SNTG1: variants seen among roughly 807,000 people sequenced by gnomAD.
The protein encoded by SNTG1 is gamma-1-syntrophin.
In SNTG1, 39 loss-of-function variants were observed where a neutral mutation model predicts 74.7. The ratio of observed to expected loss-of-function variants is 0.52; its 90% confidence interval spans 0.40 to 0.68. SNTG1 has a LOEUF of 0.68. SNTG1 is among the 30% of genes least tolerant of loss of function. The pLI, the probability that SNTG1 is intolerant of heterozygous loss-of-function variation, is 0.00. For synonymous variants in SNTG1, 254 were observed against 217.1 expected (o/e 1.17, Z -1.49); for missense variants, 685 against 609.5 (o/e 1.12, Z -1.30).
Position 50,281,495 on chromosome 8 carries a change from T to A in SNTG1, c.-28+108860T>A, listed in dbSNP as rs566966747. ...TGAAGTTTTTATCAATCTCTTCACC[T>A]TCAGCTTGCAGGGCTTCAGGAAAAA... On this transcript the variant is annotated intron_variant, in intron 2 of 18. Transcript: ENST00000642720. Among the ~76,000 whole-genome samples the A allele has an allele frequency of 4.6e-5, 7 of 152,332 alleles. No homozygotes were observed. In the South Asian group the frequency reaches 1.4e-3, roughly 32 times the overall value.
chr8:50,237,641 A>G (rs2085973933), intron 2 of SNTG1, among the ~76,000 whole-genome samples: 1 of 152,108 alleles, frequency 6.6e-6, no homozygotes, highest in Admixed American at 6.6e-5. Context: ...GCAAAAGGGG[A>G]TTTTATTTTA....
chr8:50,001,889 C>T (rs1302742074), intron 1 of SNTG1, among the ~76,000 whole-genome samples: 6 of 152,084 alleles, frequency 3.9e-5, no homozygotes, highest in Non-Finnish European at 7.4e-5. Context: ...AGACAGGGAA[C>T]TGAGCTATGT....
intron 2 of SNTG1, among the ~76,000 whole-genome samples, chr8:50,270,879 C>T (rs1319383833): frequency 6.6e-6 from 1 of 152,078 alleles, no homozygotes; most frequent in Non-Finnish European, 1.5e-5. Flanking sequence ...ACAGCCACAC[C>T]GTGTGAATTA....
intron 8 of SNTG1, among the ~76,000 whole-genome samples, chr8:50,488,841 A>G (rs1047077225): frequency 1.3e-5 from 2 of 152,172 alleles, no homozygotes; most frequent in South Asian, 2.1e-4. Flanking sequence ...GGTTTGTTAC[A>G]TAAGTATAAA....
At chr8:50,739,880 A>G (rs1585681606) in intron 17 of SNTG1, among the ~76,000 whole-genome samples, 1 of 152,184 alleles carries the variant, frequency 6.6e-6, no homozygotes, top group African/African-American at 2.4e-5. Context: ...TGGGGTAAGG[A>G]TTCCCTATTC....
chr8:50,599,054 C>T (rs1038642203), intron 13 of SNTG1, among the ~76,000 whole-genome samples: 2 of 151,916 alleles, frequency 1.3e-5, no homozygotes, highest in African/African-American at 4.8e-5. Flanking sequence ...GCATAATAAT[C>T]ACATCATGGA....
At chr8:50,414,821 T>C (rs1157324583) in intron 4 of SNTG1, among the ~76,000 whole-genome samples, 2 of 151,904 alleles carry the variant, frequency 1.3e-5, no homozygotes, top group Non-Finnish European at 2.9e-5. Context: ...CTAATATCAG[T>C]CTCCCCATTT....
chr8:50,113,901 TAAAGTATA>T (rs2080708011), intron 1 of SNTG1, among the ~76,000 whole-genome samples: 1 of 149,778 alleles, frequency 6.7e-6, no homozygotes. Context: ...CCCTAGAACT[TAAAGTATA>T]ATAAAAATAT....
At chr8:50,603,689 A>G (rs915869477) in intron 13 of SNTG1, among the ~76,000 whole-genome samples, 36 of 152,006 alleles carry the variant, frequency 2.4e-4, no homozygotes, top group African/African-American at 8.0e-4. Context: ...TGCAACTTGG[A>G]CCCCAAGACC....
chr8:49,935,705 T>G (rs992832872), intron 1 of SNTG1, among the ~76,000 whole-genome samples: 2 of 152,146 alleles, frequency 1.3e-5, no homozygotes, highest in African/African-American at 2.4e-5. Context: ...CTTGGCACAA[T>G]CCTTTGTCAC....
intron 2 of SNTG1, among the ~76,000 whole-genome samples, chr8:50,248,832 G>A (rs369901507): frequency 2.0e-5 from 3 of 152,128 alleles, no homozygotes; most frequent in African/African-American, 7.2e-5. Flanking sequence ...CATATGCCAG[G>A]TATGTGCTAA....
chr8:50,507,833 C>T (rs551964123), intron 9 of SNTG1, among the ~76,000 whole-genome samples: 1 of 150,690 alleles, frequency 6.6e-6, no homozygotes, highest in Non-Finnish European at 1.5e-5. Context: ...ATCCCTTCCC[C>T]CTCCCCACAC....
intron 2 of SNTG1, among the ~76,000 whole-genome samples, chr8:50,241,008 C>G (rs917653218): frequency 6.6e-6 from 1 of 152,042 alleles, no homozygotes; most frequent in Non-Finnish European, 1.5e-5. Flanking sequence ...CAAACAATGT[C>G]CACTATAAAA....
intron 1 of SNTG1, among the ~76,000 whole-genome samples, chr8:50,034,987 C>G (rs541860048): frequency 6.6e-6 from 1 of 152,224 alleles, no homozygotes; most frequent in African/African-American, 2.4e-5. Context: ...AGGTTCCTTG[C>G]ACAGAACAAT....
At chr8:50,423,764 A>T (rs570375137) in intron 4 of SNTG1, among the ~76,000 whole-genome samples, 2 of 152,232 alleles carry the variant, frequency 1.3e-5, no homozygotes, top group Non-Finnish European at 1.5e-5. Flanking sequence ...CAAATGAGAG[A>T]TGTAAAAAAT....
intron 2 of SNTG1, among the ~76,000 whole-genome samples, chr8:50,352,453 C>A (rs1261464114): frequency 6.6e-6 from 1 of 151,780 alleles, no homozygotes; most frequent in African/African-American, 2.4e-5. Flanking sequence ...TGCAATGAAG[C>A]AGTCTCGGCT....
intron 2 of SNTG1, among the ~76,000 whole-genome samples, chr8:50,174,456 A>G (rs991351943): frequency 1.3e-5 from 2 of 152,212 alleles, no homozygotes; most frequent in African/African-American, 2.4e-5. Flanking sequence ...TTCCACCAAC[A>G]GTGTAAAAGC....
chr8:50,775,826 GT>G (rs969456345), intron 18 of SNTG1, among the ~76,000 whole-genome samples: 75 of 151,550 alleles, frequency 4.9e-4, no homozygotes, highest in African/African-American at 1.7e-3. Context: ...GAGTTGATAT[GT>G]TTTTCTTGTA....
intron 4 of SNTG1, among the ~76,000 whole-genome samples, chr8:50,424,506 A>G (rs2093137447): frequency 6.6e-6 from 1 of 152,136 alleles, no homozygotes; most frequent in Admixed American, 6.5e-5. Context: ...GTCAATTTTA[A>G]AAAGGAAGAC....
Sources: allele counts gnomAD v4.1 joint callset (sites outside exome capture counted in the v4.1 genomes callset), GRCh38; gene constraint gnomAD v4.1.1; transcripts MANE v1.5; gene names NCBI Gene and HGNC (gene_info 2026-07-23, HGNC 2026-07-21).